LPA: variants seen among roughly 807,000 people sequenced by gnomAD.
The protein encoded by LPA is lipoprotein(a).
In LPA, 199 loss-of-function variants were observed where a neutral mutation model predicts 197.9. The observed-to-expected ratio is 1.01, with a 90% confidence interval of 0.90 to 1.13. The LOEUF (loss-of-function observed/expected upper bound fraction) is 1.13. Ranked by LOEUF, LPA falls within the 50% of genes most tolerant of loss-of-function variation. The pLI, the probability that LPA is intolerant of heterozygous loss-of-function variation, is 0.00. For missense variants in LPA, 1,853 were observed against 1,785.8 expected (o/e 1.04, Z -0.68); for synonymous variants, 715 against 639.5 (o/e 1.12, Z -1.78).
chr6:160,606,442 C>G (rs1267273101), intron 17 of LPA, 35 bp downstream of exon 17: 2 of 1,609,678 alleles, frequency 1.2e-6, no homozygotes, highest in African/African-American at 1.3e-5. Context: ...ATCCCAGCAT[C>G]GAAACGTGTA....
rs1778986362 is a variant in LPA at position 160,589,647 on chromosome 6, A to G, written c.3853T>C (p.Ser1285Pro). ...YHGDGQSYRG[S>P]FSTTVTGRTC... Reference sequence around the variant, plus strand: ...CTTCCTGTAACAGTGGTGGAGAATGAGCCTCGATAACTCTGTCCATCACCA... The same window carrying G: ...CTTCCTGTAACAGTGGTGGAGAATGGGCCTCGATAACTCTGTCCATCACCA... Residue 1285 changes from serine (S) to proline (P), a missense_variant, in exon 24 of 39, where the codon TCA becomes CCA. This residue lies in a region of LPA where 1,737 missense variants were observed against 1,504.4 expected (regional missense o/e 1.15). Coordinates refer to ENST00000316300, the MANE Select transcript of LPA (RefSeq NM_005577.4). 5 of 1,613,980 alleles carry G rather than the reference A, an allele frequency of 3.1e-6. No homozygotes were observed. The South Asian group carries it at 3.3e-5, about 11-fold the overall frequency.
intron 10 of LPA, among the ~76,000 whole-genome samples, chr6:160,626,148 GT>G (rs1281446110): frequency 1.0e-4 from 11 of 109,274 alleles, no homozygotes; most frequent in Admixed American, 4.3e-4. Flanking sequence ...TACAGGTTGG[GT>G]TTTTTTTCCG....
In LPA at chr6:160,537,772, C is replaced by T; in HGVS notation, c.5842+83G>A. ...CCACATTCATGGGTAGGAATTTGTA[C>T]AACTATCTCCAAAATGCTCATTTTG... is the stretch of plus-strand genomic sequence containing the variant. On this transcript the variant is annotated intron_variant, in intron 37 of 38. Transcript: ENST00000316300. The T allele has an allele frequency of 2.3e-6, 3 of 1,296,178 alleles. No individual in the cohort carries two copies. The South Asian group carries it at 3.8e-5, about 16-fold the overall frequency. 80.3% of individuals were successfully genotyped at this position (1,296,178 alleles called of 1,614,324 possible).
chr6:160,647,260 A>C (rs1478927810), intron 2 of LPA, among the ~76,000 whole-genome samples: 3 of 152,176 alleles, frequency 2.0e-5, no homozygotes, highest in Non-Finnish European at 4.4e-5. Context: ...TGGAGGAGCA[A>C]AAAACAATGA....
intron 2 of LPA, among the ~76,000 whole-genome samples, chr6:160,647,158 A>G (rs576936464): frequency 4.6e-5 from 7 of 152,254 alleles, no homozygotes; most frequent in Middle Eastern, 3.4e-3. Context: ...CAGCCACTCC[A>G]GAACTGGGGG....
At chr6:160,654,819 A>G (rs764558855) in intron 1 of LPA, among the ~76,000 whole-genome samples, 179 of 152,364 alleles carry the variant, frequency 1.2e-3, no homozygotes, top group Non-Finnish European at 2.2e-3. Context: ...ATGCATTTAG[A>G]AAGTGGATAT....
intron 26 of LPA, among the ~76,000 whole-genome samples, chr6:160,579,923 A>G (rs986311251): frequency 1.3e-5 from 2 of 152,214 alleles, no homozygotes; most frequent in African/African-American, 4.8e-5. Flanking sequence ...CAGATCTTAA[A>G]TGTAGCTGGA....
intron 1 of LPA, among the ~76,000 whole-genome samples, chr6:160,655,948 A>G (rs1207843279): frequency 6.6e-6 from 1 of 152,200 alleles, no homozygotes; most frequent in Non-Finnish European, 1.5e-5. Flanking sequence ...GCTGAAGGCA[A>G]ATTGCTTCTG....
At position 160,537,718 on chromosome 6, in the gene LPA, G is replaced by A. The variant is rs908938019; in HGVS notation, c.5842+137C>T. 2.1e-5 allele frequency: 16 copies of A among 773,558 alleles called. No individual in the cohort carries two copies. The African/African-American group carries it at 2.7e-4, about 13-fold the overall frequency. The allele number at this position is 773,558 out of a possible 1,614,324, so 47.9% of individuals were successfully genotyped here. Reference sequence around the variant, plus strand: ...AGACTGATTATGGAGACATAGACAGGTGTCCAGGCAAAGTCAGGAGTGGGT... The same window carrying A: ...AGACTGATTATGGAGACATAGACAGATGTCCAGGCAAAGTCAGGAGTGGGT... On this transcript the variant is annotated intron_variant, in intron 37 of 38. Transcript: ENST00000316300.
At chr6:160,601,377 G>C (rs921224349) in intron 18 of LPA, among the ~76,000 whole-genome samples, 2 of 152,184 alleles carry the variant, frequency 1.3e-5, no homozygotes, top group African/African-American at 4.8e-5. Flanking sequence ...AAAGGGATCA[G>C]AATATCCTCC....
At chr6:160,539,159 C>T (rs1583565216) in intron 36 of LPA, among the ~76,000 whole-genome samples, 2 of 152,174 alleles carry the variant, frequency 1.3e-5, no homozygotes. Context: ...GCCTTCCCAA[C>T]CAGGCCATGC....
At position 160,603,124 on chromosome 6, in the gene LPA, T is replaced by C. The variant is rs144657490; in HGVS notation, c.2945+1922A>G. On this transcript the variant is annotated intron_variant, in intron 18 of 38. Coordinates refer to ENST00000316300, the MANE Select transcript of LPA (RefSeq NM_005577.4). ...CTTCCAGTATTTGTTCCTGTAGCAA[T>C]CTCTCCTTCCTCTCCTTCTGTGACT... Among the ~76,000 whole-genome samples, 415 of 151,704 alleles carry C rather than the reference T, an allele frequency of 2.7e-3. 1 individual carries two copies. Among genetic ancestry groups the C allele is most frequent in the Admixed American group, 5.9e-3 (89 of 15,190 alleles).
rs779287393 is a variant in LPA at position 160,547,807 on chromosome 6, C to A, written c.5286G>T (p.Trp1762Cys). The A allele has an allele frequency of 6.2e-7, 1 of 1,613,994 alleles. No individual in the cohort carries two copies. Reference sequence around the variant, plus strand: ...GGCTTACATTTTTTTCCAGACCTGCCCATTTATTTGTCCCTGGAATGAACG... The same window carrying A: ...GGCTTACATTTTTTTCCAGACCTGCACATTTATTTGTCCCTGGAATGAACG... ...HSTFIPGTNKWAGLEKNYCRN... is the reference protein window; with the variant it reads ...HSTFIPGTNKCAGLEKNYCRN... The change falls in exon 32 of 39, where the codon TGG (tryptophan) becomes TGT (cysteine). Residue 1762 changes from tryptophan (W) to cysteine (C), a missense_variant. Transcript: ENST00000316300.
At chr6:160,567,183 G>C (rs1347950770) in intron 28 of LPA, among the ~76,000 whole-genome samples, 1 of 152,212 alleles carries the variant, frequency 6.6e-6, no homozygotes, top group Non-Finnish European at 1.5e-5. Flanking sequence ...CAAATCAACA[G>C]AATATACATT....
intron 16 of LPA, among the ~76,000 whole-genome samples, chr6:160,611,078 G>A (rs1323277863): frequency 2.6e-5 from 4 of 151,968 alleles, no homozygotes; most frequent in African/African-American, 7.3e-5. Context: ...TGGTACTTAG[G>A]ACCAAGAGAT....
chr6:160,544,083 G>C (rs1367827864), intron 33 of LPA, among the ~76,000 whole-genome samples: 2 of 152,152 alleles, frequency 1.3e-5, no homozygotes, highest in African/African-American at 4.8e-5. Context: ...CTCAATGTGG[G>C]TGAGGACAGC....
chr6:160,647,349 G>C (rs1370792008), intron 2 of LPA, among the ~76,000 whole-genome samples: 1 of 152,152 alleles, frequency 6.6e-6, no homozygotes, highest in African/African-American at 2.4e-5. Context: ...TCCCAAGAAC[G>C]TTGCTCCAAC....
In LPA at chr6:160,579,718, T is replaced by C. The variant is rs140848078; in HGVS notation, c.4290-1014A>G. On this transcript the variant is annotated intron_variant, in intron 26 of 38. Coordinates refer to ENST00000316300, the MANE Select transcript of LPA (RefSeq NM_005577.4). The stretch of plus-strand genomic sequence containing the variant: ...GCTGTCTGAGAAAACTTGGAACGTA[T>C]TATGGAGCATGGGAATCCAACACGG... 2.5e-3 allele frequency among the ~76,000 whole-genome samples: 384 copies of C among 152,274 alleles called. 1 individual carries two copies. Among genetic ancestry groups the C allele is most frequent in the Admixed American group, 5.8e-3 (89 of 15,280 alleles).
chr6:160,599,376 C>A (rs1779193864), intron 20 of LPA, 124 bp downstream of exon 20: 1 of 1,432,440 alleles, frequency 7.0e-7, no homozygotes, highest in East Asian at 2.3e-5. Context: ...AACTTTTGCT[C>A]ACAGGAAATG....
Sources: allele counts gnomAD v4.1 joint callset (sites outside exome capture counted in the v4.1 genomes callset), GRCh38; gene constraint gnomAD v4.1.1; regional missense constraint gnomAD v4.1.1; transcripts MANE v1.5; gene names NCBI Gene and HGNC (gene_info 2026-07-23, HGNC 2026-07-21).